KIZ: variants seen among roughly 807,000 people sequenced by gnomAD.
The protein encoded by KIZ is centrosomal protein kizuna.
In KIZ, 68 loss-of-function variants were observed where a neutral mutation model predicts 79.6. That is an observed-to-expected ratio of 0.85 (90% CI 0.70 to 1.05). The LOEUF is 1.05. Among genes scored for constraint, KIZ ranks in the 50% least tolerant of loss-of-function variants. The pLI is 0.00. For synonymous variants in KIZ, 280 were observed against 281.8 expected, an observed-to-expected ratio of 0.99 and a Z score of 0.06; for missense variants, 797 against 800.4, an observed-to-expected ratio of 1.00 and a Z score of 0.05.
intron 1 of KIZ, among the ~76,000 whole-genome samples, chr20:21,128,088 C>T (rs1381816620): frequency 2.0e-5 from 3 of 152,230 alleles, no homozygotes; most frequent in African/African-American, 4.8e-5. Context: ...TCTCAGCTCA[C>T]TGCAACCCCC....
At chr20:21,213,710 C>G (rs1302053112) in intron 7 of KIZ, 3 of 152,184 alleles carry the variant, frequency 2.0e-5, no homozygotes, top group Admixed American at 6.6e-5. Flanking sequence ...GGGGAAAGTA[C>G]TGACCTGAAA....
At chr20:21,141,397 G>A (rs2032519208) in intron 3 of KIZ, among the ~76,000 whole-genome samples, 1 of 152,166 alleles carries the variant, frequency 6.6e-6, no homozygotes. Context: ...TTGCACATTC[G>A]GGATATGTGT....
At chr20:21,209,455 C>T (rs964220852) in intron 7 of KIZ, among the ~76,000 whole-genome samples, 11 of 152,142 alleles carry the variant, frequency 7.2e-5, no homozygotes, top group African/African-American at 2.2e-4. Context: ...CGGGGTCCTG[C>T]CCCCACCATA....
chr20:21,238,334 T>TGTGAGAGA (rs562429766), intron 11 of KIZ, among the ~76,000 whole-genome samples: 3 of 95,662 alleles, frequency 3.1e-5, no homozygotes, highest in Admixed American at 2.2e-4. Flanking sequence ...CATAAGGGTG[T>TGTGAGAGA]GAGAGAGAGA....
rs145938454 is a variant in KIZ at position 21,140,880 on chromosome 20, A to G, written c.315+4328A>G. Among the ~76,000 whole-genome samples, 73 of 152,100 alleles carry G rather than the reference A, an allele frequency of 4.8e-4. 1 individual carries two copies. The highest frequency in any genetic ancestry group is 1.7e-3 in the African/African-American group (70 of 41,480). ...TTAGCCAGCTGTAGGAGTGTGCACC[A>G]GTAGTCTCAGCTGCTCAGGAATCTG... On this transcript the variant is annotated intron_variant, in intron 3 of 12. Transcript: ENST00000619189.
intron 6 of KIZ, among the ~76,000 whole-genome samples, chr20:21,173,805 G>GAGTA (rs1330014488): frequency 6.6e-6 from 1 of 152,148 alleles, no homozygotes; most frequent in East Asian, 1.9e-4. Flanking sequence ...GGGAGATGCT[G>GAGTA]AGTAGGCAGA....
chr20:21,234,066 C>T (rs187366561), intron 11 of KIZ, among the ~76,000 whole-genome samples: 1 of 152,174 alleles, frequency 6.6e-6, no homozygotes, highest in East Asian at 1.9e-4. Flanking sequence ...CCGAATGTTA[C>T]CATTTGGCTT....
intron 1 of KIZ, among the ~76,000 whole-genome samples, chr20:21,129,575 A>G (rs1192619191): frequency 6.6e-6 from 1 of 152,160 alleles, no homozygotes; most frequent in Non-Finnish European, 1.5e-5. Flanking sequence ...TCTCTACTAA[A>G]AATACAAAAA....
At chr20:21,172,555 TG>T (rs1438947790) in intron 6 of KIZ, among the ~76,000 whole-genome samples, 6 of 151,712 alleles carry the variant, frequency 4.0e-5, no homozygotes, top group African/African-American at 1.5e-4. Context: ...GCTGAGATTG[TG>T]CCACTGCACT....
Position 21,162,186 on chromosome 20 carries a change from A to G in KIZ, c.721A>G (p.Ser241Gly). ...TGGTGAGAAAATGCCAGTCACAGCCAGTGTATTGTCTGAGGAGGAACAAAC... is the reference window on the plus strand; with the variant it reads ...TGGTGAGAAAATGCCAGTCACAGCCGGTGTATTGTCTGAGGAGGAACAAAC... ...QIGEKMPVTA[S>G]VLSEEEQTHC... The change falls in exon 5 of 13, where the codon AGT becomes GGT. Residue 241 changes from serine (S) to glycine (G), a missense_variant. Transcript: ENST00000619189. 2 of 1,612,098 alleles carry G rather than the reference A, an allele frequency of 1.2e-6. No homozygotes were observed. Among genetic ancestry groups the G allele is most frequent in the East Asian group, 2.2e-5 (1 of 44,876 alleles).
rs553034078 is a variant in KIZ, at chr20:21,130,337, A to T, written c.90-1760A>T. On this transcript the variant is annotated intron_variant, in intron 1 of 12. Coordinates refer to ENST00000619189, the MANE Select transcript of KIZ (RefSeq NM_018474.6). The stretch of plus-strand genomic sequence containing the variant: ...CGTGCTTTCTTAGGAATACAACAGA[A>T]ATGAAGCACTACCTCAGGGCATGGG... 2.0e-5 allele frequency among the ~76,000 whole-genome samples: 3 copies of T among 152,288 alleles called. No homozygotes were observed. The South Asian group carries it at 6.2e-4, about 32-fold the overall frequency.
At chr20:21,161,492 C>T (rs1244056439) in intron 4 of KIZ, among the ~76,000 whole-genome samples, 5 of 30,118 alleles carry the variant, frequency 1.7e-4, no homozygotes, top group African/African-American at 2.3e-4. Context: ...CCACCGTGCC[C>T]GGCTAATTTT....
chr20:21,143,139 CTG>C (rs924552378), intron 3 of KIZ, among the ~76,000 whole-genome samples: 12 of 152,126 alleles, frequency 7.9e-5, no homozygotes, highest in Non-Finnish European at 1.3e-4. Flanking sequence ...AAACAAAAGA[CTG>C]TGAAGCTTAG....
At chr20:21,201,714 A>G (rs891759123) in intron 6 of KIZ, among the ~76,000 whole-genome samples, 2 of 152,264 alleles carry the variant, frequency 1.3e-5, no homozygotes, top group African/African-American at 4.8e-5. Flanking sequence ...ATTACCTGAC[A>G]TTAAACTTTG....
chr20:21,246,435 C>A (rs1408257488), intron 12 of KIZ, 44 bp from the exon 13 acceptor site: 2 of 1,248,758 alleles, frequency 1.6e-6, no homozygotes, highest in Admixed American at 1.8e-5. Flanking sequence ...AGCTCTTAAC[C>A]AGAATGCAAA....
intron 10 of KIZ, among the ~76,000 whole-genome samples, chr20:21,230,576 G>A (rs1234204634): frequency 6.6e-6 from 1 of 152,178 alleles, no homozygotes; most frequent in African/African-American, 2.4e-5. Context: ...TAATATTAGT[G>A]GTTAAAGTCA....
In KIZ at chr20:21,214,552, A is replaced by ATT; in HGVS notation, c.1464_1465insTT (p.Lys489LeufsTer27). 2 of 1,613,288 alleles carry ATT rather than the reference A, an allele frequency of 1.2e-6. No individual in the cohort carries two copies. Among genetic ancestry groups the ATT allele is most frequent in the Non-Finnish European group, 1.7e-6 (2 of 1,179,444 alleles). On this transcript the variant is annotated frameshift_variant, in exon 8 of 13. Coordinates refer to ENST00000619189, the MANE Select transcript of KIZ (RefSeq NM_018474.6). LOFTEE classifies it high-confidence loss of function. ...CACTGTAGGCAACAGCATTATTGAGAAAAGCCCTTACAGAAGAGTGTGGCC... is the reference window on the plus strand; with the variant it reads ...CACTGTAGGCAACAGCATTATTGAGATTAAAGCCCTTACAGAAGAGTGTGGCC...
At chr20:21,238,757 G>A (rs543168332) in intron 11 of KIZ, among the ~76,000 whole-genome samples, 4 of 152,302 alleles carry the variant, frequency 2.6e-5, no homozygotes, top group Non-Finnish European at 4.4e-5. Flanking sequence ...CAAGGGCATC[G>A]AGCGAGTCTG....
chr20:21,181,889 G>A (rs2122922917), intron 6 of KIZ, among the ~76,000 whole-genome samples: 1 of 152,322 alleles, frequency 6.6e-6, no homozygotes, highest in Non-Finnish European at 1.5e-5. Flanking sequence ...AACAAGAAGT[G>A]CATTTGTTCT....
Sources: gnomAD v4.1 joint callset for allele counts (sites outside exome capture counted in the v4.1 genomes callset) on GRCh38, gnomAD v4.1.1 for gene constraint, MANE v1.5 for transcripts, NCBI Gene and HGNC (gene_info 2026-07-23, HGNC 2026-07-21) for gene names.